Variants in DDX55 observed in about 807,000 individuals in gnomAD.
DDX55 encodes ATP-dependent RNA helicase DDX55.
DDX55 carries 56 observed loss-of-function variants against 69.2 expected under a neutral mutation model. The observed-to-expected ratio is 0.81, with a 90% CI of 0.65 to 1.01. DDX55 has a LOEUF of 1.01. DDX55 is among the 50% of genes least tolerant of loss of function. The pLI, the probability that DDX55 is intolerant of heterozygous loss-of-function variation, is 0.00. For missense variants in DDX55, 720 were observed against 745.1 expected (o/e 0.97, Z 0.39); for synonymous variants, 268 against 273.1 (o/e 0.98, Z 0.18).
chr12:123,620,580 TTATATATA>T lies in DDX55; in HGVS notation c.*481_*488del, dbSNP rs68169681. 7.3e-3 allele frequency: 477 copies of T among 65,260 alleles called. 8 individuals are homozygous for T. The highest frequency in any genetic ancestry group is 0.035 in the East Asian group (25 of 722). The allele number at this position is 65,260 out of a possible 1,614,324, so 4.0% of individuals were successfully genotyped here. On this transcript the variant is annotated 3_prime_UTR_variant, in exon 14 of 14. Coordinates refer to ENST00000238146, the MANE Select transcript of DDX55 (RefSeq NM_020936.3). ...GGTCACATATAGACATATGTACATA[TTATATATA>T]TATATATATATATATATATATATAT...
Position 123,613,153 on chromosome 12 carries a change from C to T in DDX55, c.742-17C>T, listed in dbSNP as rs1954393786. On this transcript the variant is annotated splice_polypyrimidine_tract_variant and intron_variant, in intron 7 of 13. Transcript: ENST00000238146. ...TGCCAAATATGTTTTTTATTAGTTTCCCTTTTTATTTTGCAGGTATGCAAG... is the reference window on the plus strand; with the variant it reads ...TGCCAAATATGTTTTTTATTAGTTTTCCTTTTTATTTTGCAGGTATGCAAG... The T allele has an allele frequency of 6.2e-7, 1 of 1,613,032 alleles. No homozygotes were observed. Among genetic ancestry groups the T allele is most frequent in the Admixed American group, 1.7e-5 (1 of 59,948 alleles).
At chr12:123,612,155 G>A (rs1319460083) in intron 7 of DDX55, among the ~76,000 whole-genome samples, 4 of 152,234 alleles carry the variant, frequency 2.6e-5, no homozygotes, top group South Asian at 2.1e-4. Flanking sequence ...TTTGGATTTC[G>A]GATTTCCAGA....
intron 1 of DDX55, 108 bp downstream of exon 1, chr12:123,602,364 CCTCCAGCTGGGGCTCTTGCCTTGT>C (rs1315981478): frequency 5.7e-6 from 6 of 1,051,484 alleles, no homozygotes; most frequent in Non-Finnish European, 6.6e-6. Flanking sequence ...GGCGCTCATC[CCTCCAGCTGGGGCTCTTGCCTTGT>C]CTCCAGCTGC....
At chr12:123,608,450 G>C in intron 5 of DDX55, 2 of 435,226 alleles carry the variant, frequency 4.6e-6, no homozygotes, top group South Asian at 4.4e-5. Context: ...GGTTTGGTCC[G>C]GGAGCTGGAG....
chr12:123,619,390 A>G, intron 12 of DDX55, 42 bp from the exon 13 acceptor site: 1 of 1,578,916 alleles, frequency 6.3e-7, no homozygotes, highest in Non-Finnish European at 8.6e-7. Context: ...GATTGTTCTA[A>G]TCCTGTTGAG....
At chr12:123,604,201 G>A (rs1953748882) in intron 1 of DDX55, among the ~76,000 whole-genome samples, 2 of 152,182 alleles carry the variant, frequency 1.3e-5, no homozygotes, top group Admixed American at 1.3e-4. Context: ...GAGCCCAGGA[G>A]TTCAAGACCA....
Position 123,618,724 on chromosome 12 carries a change from T to A in DDX55, c.1220T>A (p.Leu407His), listed in dbSNP as rs1461425572. Residue 407 changes from leucine to histidine, a missense_variant, in exon 12 of 14, where the codon CTC becomes CAC. Physicochemically the swap from Leu to His is moderately conservative, Grantham distance 99. Coordinates refer to ENST00000238146, the MANE Select transcript of DDX55 (RefSeq NM_020936.3). ...QRNTADLLPK[L>H]KSMALADRAV... ...AACACAGCGGACCTTCTGCCAAAAC[T>A]CAAGTCCATGGCCCTGGCTGACAGA... 2.5e-6 allele frequency: 4 copies of A among 1,614,048 alleles called. No homozygotes were observed. Among genetic ancestry groups the A allele is most frequent in the Admixed American group, 1.7e-5 (1 of 60,008 alleles).
At chr12:123,613,409 G>T (rs1473387472) in intron 8 of DDX55, among the ~76,000 whole-genome samples, 157 bp downstream of exon 8, 1 of 152,170 alleles carries the variant, frequency 6.6e-6, no homozygotes, top group East Asian at 1.9e-4. Flanking sequence ...TCCGAACAAG[G>T]TTGGCTTTAT....
chr12:123,602,665 CG>C (rs1260208057), intron 1 of DDX55, among the ~76,000 whole-genome samples: 1 of 152,156 alleles, frequency 6.6e-6, no homozygotes, highest in Non-Finnish European at 1.5e-5. Context: ...TAAGGGTTAC[CG>C]TTGTTATGCA....
rs1428434695 is a variant in DDX55 at position 123,602,266 on chromosome 12, C to T, written c.108+10C>T. 2 of 1,546,992 alleles carry T rather than the reference C, an allele frequency of 1.3e-6. No individual in the cohort carries two copies. The highest frequency in any genetic ancestry group is 1.4e-5 in the African/African-American group (1 of 73,430). ...CATGACGCCGGTGCAGGTATCGGTTCCCTGGCGTGGGGGAGTGAGGCTGGG... is the reference window on the plus strand; with the variant it reads ...CATGACGCCGGTGCAGGTATCGGTTTCCTGGCGTGGGGGAGTGAGGCTGGG... On this transcript the variant is annotated intron_variant, in intron 1 of 13. Transcript: ENST00000238146.
chr12:123,610,927 G>T (rs1157678395), intron 7 of DDX55, among the ~76,000 whole-genome samples: 1 of 148,128 alleles, frequency 6.8e-6, no homozygotes, highest in African/African-American at 2.5e-5. Flanking sequence ...TTGAGACGGG[G>T]TCTCACCCTG....
rs377307791 is a variant in DDX55 at position 123,610,102 on chromosome 12, C to T, written c.715C>T (p.Pro239Ser). Residue 239 changes from proline to serine, a missense_variant, in exon 7 of 14, where the codon CCC becomes TCC. By Grantham distance (74) the Pro-to-Ser change is moderately conservative. Coordinates refer to ENST00000238146, the MANE Select transcript of DDX55 (RefSeq NM_020936.3). ...GVAASSAQKT[P>S]SRLENYYMVC... ...GGCAGCCAGCAGTGCCCAGAAGACC[C>T]CCTCCCGCCTGGAAAACTACTACAT... 1.2e-6 allele frequency: 2 copies of T among 1,613,724 alleles called. No homozygotes were observed. Among genetic ancestry groups the T allele is most frequent in the African/African-American group, 2.7e-5 (2 of 74,904 alleles).
At chr12:123,615,720 C>G (rs1002477794) in intron 9 of DDX55, among the ~76,000 whole-genome samples, 1 of 152,156 alleles carries the variant, frequency 6.6e-6, no homozygotes, top group South Asian at 2.1e-4. Context: ...CACGGTGGCT[C>G]ACGCCTGTAA....
chr12:123,618,982 T>A, intron 12 of DDX55, 145 bp downstream of exon 12: 1 of 1,248,272 alleles, frequency 8.0e-7, no homozygotes, highest in Non-Finnish European at 1.1e-6. Context: ...TGCTGAGTAT[T>A]CCTTTTAACT....
rs1954996558 is a variant in DDX55 at position 123,619,618 on chromosome 12, C to G, written c.1520C>G (p.Thr507Arg). 6.2e-7 allele frequency: 1 copy of G among 1,609,752 alleles called. No individual in the cohort carries two copies. Among genetic ancestry groups the G allele is most frequent in the African/African-American group, 1.3e-5 (1 of 74,286 alleles). ...KLLEQQRREK[T>R]ENEGRRKFIK... ...CTGGAGCAACAAAGAAGAGAGAAAA[C>G]AGAAAATGAAGGGAGAAGAAAATTC... The change falls in exon 13 of 14, where the codon ACA becomes AGA. Residue 507 changes from threonine (T) to arginine (R), a missense_variant. Coordinates refer to ENST00000238146, the MANE Select transcript of DDX55 (RefSeq NM_020936.3).
intron 5 of DDX55, 109 bp from the exon 6 acceptor site, chr12:123,608,571 A>G (rs1954024806): frequency 6.7e-6 from 9 of 1,341,064 alleles, no homozygotes; most frequent in South Asian, 5.3e-5. Flanking sequence ...CGTTCTCTTC[A>G]CTAGGGCTTA....
chr12:123,605,660 C>T lies in DDX55; in HGVS notation c.109-271C>T, dbSNP rs924269109. The T allele has an allele frequency of 1.3e-4, 70 of 558,372 alleles. 1 individual carries two copies. The highest frequency in any genetic ancestry group is 2.2e-4 in the Non-Finnish European group (67 of 305,260). The allele number at this position is 558,372 out of a possible 1,614,324, so 34.6% of individuals were successfully genotyped here. A position where few individuals can be genotyped will look rare whatever the true frequency, so the allele number is the denominator to read the frequency against. ...GGACCCTAAAACCCAATGTCTTCAA[C>T]GCCTTCCTGGTTCAGAGAGGAAAGT... On this transcript the variant is annotated intron_variant, in intron 1 of 13. Coordinates refer to ENST00000238146, the MANE Select transcript of DDX55 (RefSeq NM_020936.3).
chr12:123,614,989 G>C (rs1954544756), intron 8 of DDX55, among the ~76,000 whole-genome samples, 196 bp from the exon 9 acceptor site: 1 of 152,114 alleles, frequency 6.6e-6, no homozygotes, highest in East Asian at 1.9e-4. Context: ...CAAAAGATTG[G>C]CCTTTCATTG....
At position 123,606,975 on chromosome 12, in the gene DDX55, C is replaced by T. The variant is rs1443929014; in HGVS notation, c.247-457C>T. Among the ~76,000 whole-genome samples, 12 of 152,278 alleles carry T rather than the reference C, an allele frequency of 7.9e-5. No individual in the cohort carries two copies. The South Asian group carries it at 2.3e-3, about 29-fold the overall frequency. On this transcript the variant is annotated intron_variant, in intron 3 of 13. Transcript: ENST00000238146. The stretch of plus-strand genomic sequence containing the variant: ...GTTCCTGGGTGCAAGAAGGTTATGA[C>T]GTGCAGAGAAAATCCCTGTGCTAGA...
Sources: gnomAD v4.1 joint callset for allele counts (sites outside exome capture counted in the v4.1 genomes callset) on GRCh38, gnomAD v4.1.1 for gene constraint, MANE v1.5 for transcripts, NCBI Gene and HGNC (gene_info 2026-07-23, HGNC 2026-07-21) for gene names.